CD99L2: variants seen among roughly 807,000 people sequenced by gnomAD.
The protein encoded by CD99L2 is CD99 molecule like 2, also known as CD99 antigen-like protein 2.
CD99L2 carries 24 observed loss-of-function variants against 27.3 expected under a neutral mutation model. That is an observed-to-expected ratio of 0.88 (90% CI 0.64 to 1.24). The LOEUF (loss-of-function observed/expected upper bound fraction) is 1.24, where lower values mean the gene tolerates loss of function less well. Ranked by LOEUF, CD99L2 falls within the 50% of genes most tolerant of loss-of-function variation. The probability of loss-of-function intolerance (pLI) is 0.00; values close to 1 mark genes in which losing one functional copy is unlikely to be tolerated. For missense variants in CD99L2, 255 were observed against 221.6 expected (o/e 1.15, Z -0.96); for synonymous variants, 97 against 87.9 (o/e 1.10, Z -0.58).
intron 1 of CD99L2, among the ~76,000 whole-genome samples, chrX:150,880,869 C>A (rs781819603): frequency 1.1e-4 from 12 of 111,755 alleles, no homozygotes; most frequent in Non-Finnish European, 2.3e-4. Flanking sequence ...AGATTGGGGC[C>A]TTCCAAGAAA....
At chrX:150,844,830 GACCCGGTCACTGACAGGGC>G (rs1381695820) in intron 1 of CD99L2, among the ~76,000 whole-genome samples, 10 of 111,027 alleles carry the variant, frequency 9.0e-5, no homozygotes, top group Non-Finnish European at 1.3e-4. Flanking sequence ...TAAGAGGTCT[GACCCGGTCACTGACAGGGC>G]ACCCGGTCAC....
At chrX:150,868,302 C>T (rs2047102947) in intron 1 of CD99L2, among the ~76,000 whole-genome samples, 3 of 110,834 alleles carry the variant, frequency 2.7e-5, no homozygotes, top group Middle Eastern at 4.8e-3. Context: ...CCAAGGCGGG[C>T]AGATCACTTG....
rs1307092858 is a variant in CD99L2 at position 150,894,538 on chromosome X, T to C, written c.67+3984A>G. On this transcript the variant is annotated intron_variant, in intron 1 of 10. Coordinates refer to ENST00000370377, the MANE Select transcript of CD99L2 (RefSeq NM_031462.4). ...GCAGGCACTTGGTGGCTTGCCAACATGCTCATCAAGTTTATTCTTTTATTC... is the reference window on the plus strand; with the variant it reads ...GCAGGCACTTGGTGGCTTGCCAACACGCTCATCAAGTTTATTCTTTTATTC... 3.7e-5 allele frequency among the ~76,000 whole-genome samples: 4 copies of C among 107,590 alleles called. 1 individual carries two copies. The highest frequency in any genetic ancestry group is 3.0e-4 in the Admixed American group (3 of 9,879). The allele number at this position is 107,590 out of a possible 115,157, so 93.4% of individuals were successfully genotyped here. A position where few individuals can be genotyped will look rare whatever the true frequency, so the allele number is the denominator to read the frequency against.
chrX:150,816,163 G>T, intron 2 of CD99L2, 85 bp from the exon 3 acceptor site: 1 of 924,424 alleles, frequency 1.1e-6, no homozygotes, highest in Non-Finnish European at 1.6e-6. Flanking sequence ...AAGTCACATT[G>T]TGAGTAGAAT....
chrX:150,838,917 AT>A (rs2046577613), intron 1 of CD99L2, among the ~76,000 whole-genome samples: 7 of 63,745 alleles, frequency 1.1e-4, no homozygotes, highest in Admixed American at 3.6e-4. Context: ...AAAAAAAAAA[AT>A]GGGGGGGGGG....
intron 1 of CD99L2, among the ~76,000 whole-genome samples, chrX:150,865,304 C>T (rs367550669): frequency 4.3e-4 from 47 of 110,045 alleles, no homozygotes; most frequent in African/African-American, 1.6e-3. Context: ...TTGAGACCGG[C>T]CTGGGCAACA....
At chrX:150,815,966 AG>A (rs1557420471) in intron 3 of CD99L2, 40 bp downstream of exon 3, 14 of 1,173,624 alleles carry the variant, frequency 1.2e-5, no homozygotes, top group Non-Finnish European at 1.5e-5. Flanking sequence ...GGAACTCCAG[AG>A]GGCCCTTCCT....
At chrX:150,825,728 C>T (rs1384243747) in intron 2 of CD99L2, among the ~76,000 whole-genome samples, 1 of 112,386 alleles carries the variant, frequency 8.9e-6, no homozygotes, top group Non-Finnish European at 1.9e-5. Context: ...TTCATCAAAA[C>T]ACTTAGCTCC....
chrX:150,870,933 A>G (rs1448838594), intron 1 of CD99L2, among the ~76,000 whole-genome samples: 1 of 111,436 alleles, frequency 9.0e-6, no homozygotes, highest in Non-Finnish European at 1.9e-5. Flanking sequence ...GAGCACTCGC[A>G]CCCATCTGGC....
At position 150,871,101 on chromosome X, in the gene CD99L2, A is replaced by G. The variant is rs199827578; in HGVS notation, c.67+27421T>C. Among the ~76,000 whole-genome samples, 6 of 112,804 alleles carry G rather than the reference A, an allele frequency of 5.3e-5. No homozygotes were observed. In the East Asian group the frequency reaches 1.7e-3, roughly 31 times the overall value. On this transcript the variant is annotated intron_variant, in intron 1 of 10. Transcript: ENST00000370377. ...TTGGATGTGCAGTAAGGCTTGGGCC[A>G]AAAGGTTAATATTCCTTTATCAGAA...
At chrX:150,887,217 G>A (rs1557422650) in intron 1 of CD99L2, among the ~76,000 whole-genome samples, 1 of 109,375 alleles carries the variant, frequency 9.1e-6, no homozygotes, top group African/African-American at 3.3e-5. Context: ...AGGCCAAGGT[G>A]GGTGGATCAA....
At chrX:150,891,770 T>C (rs782634317) in intron 1 of CD99L2, among the ~76,000 whole-genome samples, 2 of 109,866 alleles carry the variant, frequency 1.8e-5, no homozygotes, top group South Asian at 8.1e-4. Context: ...GTGTCTACGA[T>C]GACGTTAAGC....
At chrX:150,810,070 C>G (rs1387003562) in intron 4 of CD99L2, among the ~76,000 whole-genome samples, 1 of 111,839 alleles carries the variant, frequency 8.9e-6, no homozygotes, top group Non-Finnish European at 1.9e-5. Context: ...AAAAAATTCA[C>G]CAAAGATGTA....
chrX:150,806,236 T>C (rs2045991132), intron 4 of CD99L2, among the ~76,000 whole-genome samples: 1 of 112,349 alleles, frequency 8.9e-6, no homozygotes, highest in South Asian at 3.7e-4. Flanking sequence ...AAAGTCAAAT[T>C]ACCACGATTT....
Position 150,862,450 on chromosome X carries a change from C to T in CD99L2, c.68-31157G>A, listed in dbSNP as rs143150796. ...CAAGCCAAGGAACGCAGGCAGTCTCCAGGTCTCCAGACACTGGAAAATGCA... is the reference window on the plus strand; with the variant it reads ...CAAGCCAAGGAACGCAGGCAGTCTCTAGGTCTCCAGACACTGGAAAATGCA... On this transcript the variant is annotated intron_variant, in intron 1 of 10. Transcript: ENST00000370377. Among the ~76,000 whole-genome samples the T allele has an allele frequency of 3.9e-3, 435 of 111,805 alleles. 2 individuals carry two copies. Among genetic ancestry groups the T allele is most frequent in the Non-Finnish European group, 7.0e-3 (373 of 53,081 alleles).
chrX:150,828,006 G>T (rs1397874954), intron 2 of CD99L2, among the ~76,000 whole-genome samples: 1 of 111,804 alleles, frequency 8.9e-6, no homozygotes, highest in Non-Finnish European at 1.9e-5. Flanking sequence ...CTAGCCAGTA[G>T]CCCACTATCT....
intron 1 of CD99L2, among the ~76,000 whole-genome samples, chrX:150,845,202 T>C (rs1174174633): frequency 1.8e-5 from 2 of 111,441 alleles, no homozygotes; most frequent in Non-Finnish European, 3.8e-5. Flanking sequence ...TTCCAAGAAG[T>C]CAGAGCTGAG....
rs782751301 is a variant in CD99L2 at position 150,786,932 on chromosome X, T to C, written c.496+6759A>G. 3.4e-4 allele frequency among the ~76,000 whole-genome samples: 38 copies of C among 112,256 alleles called. 1 individual carries two copies. In the South Asian group the frequency reaches 0.013, roughly 38 times the overall value. On this transcript the variant is annotated intron_variant, in intron 7 of 10. Transcript: ENST00000370377. ...CTGACTGGTGTGAGAAGGTATCTCA[T>C]TGTGGTTTTGATTTGCATTTCTCTA...
chrX:150,810,436 C>T (rs782787199), intron 4 of CD99L2, among the ~76,000 whole-genome samples: 3 of 111,243 alleles, frequency 2.7e-5, no homozygotes, highest in Non-Finnish European at 5.7e-5. Flanking sequence ...TTATGAGATA[C>T]AGCAACAGCC....
Sources: gnomAD v4.1 joint callset for allele counts (sites outside exome capture counted in the v4.1 genomes callset) on GRCh38, gnomAD v4.1.1 for gene constraint, MANE v1.5 for transcripts, NCBI Gene and HGNC (gene_info 2026-07-23, HGNC 2026-07-21) for gene names.